The following SLC1A4 variants were observed in gnomAD, a reference collection of about 807,000 sequenced individuals.
SLC1A4 encodes solute carrier family 1 member 4, also known as neutral amino acid transporter A.
In SLC1A4, 19 loss-of-function variants were observed where a neutral mutation model predicts 37.7. That is an observed-to-expected ratio of 0.50 (90% CI 0.35 to 0.74). The LOEUF (loss-of-function observed/expected upper bound fraction) is 0.74, where lower values mean the gene tolerates loss of function less well. SLC1A4 is among the 30% of genes least tolerant of loss of function. SLC1A4 has a pLI of 0.01. For missense variants in SLC1A4, 570 were observed against 712.9 expected (o/e 0.80, Z 2.28); for synonymous variants, 299 against 309.8 (o/e 0.97, Z 0.37).
intron 1 of SLC1A4, among the ~76,000 whole-genome samples, chr2:64,992,674 G>C (rs1229355554): frequency 6.6e-6 from 1 of 152,134 alleles, no homozygotes; most frequent in Non-Finnish European, 1.5e-5. Flanking sequence ...ACAGTGCAGG[G>C]TTCTCTCTCT....
At chr2:65,020,819 C>A (rs1674388187) in intron 7 of SLC1A4, 93 bp from the exon 8 acceptor site, 2 of 999,170 alleles carry the variant, frequency 2.0e-6, no homozygotes, top group Admixed American at 1.8e-5. Context: ...GGGCCCCTCA[C>A]AATCATGACT....
chr2:65,000,126 G>T (rs1396873336), intron 1 of SLC1A4: 2 of 152,176 alleles, frequency 1.3e-5, no homozygotes, highest in Non-Finnish European at 2.9e-5. Context: ...TGTTAAGAAT[G>T]ATCCAGAGTC....
chr2:65,011,240 T>A (rs1015522892), intron 4 of SLC1A4: 1 of 152,804 alleles, frequency 6.5e-6, no homozygotes, highest in African/African-American at 2.4e-5. Context: ...ACCCCATGCA[T>A]ATATAAAGTT....
chr2:65,011,783 C>A (rs1673929957), intron 4 of SLC1A4, among the ~76,000 whole-genome samples: 1 of 152,044 alleles, frequency 6.6e-6, no homozygotes, highest in Non-Finnish European at 1.5e-5. Flanking sequence ...TAATGTTTTT[C>A]TTTGAGACGG....
intron 4 of SLC1A4, among the ~76,000 whole-genome samples, chr2:65,013,339 C>T (rs1335676977): frequency 1.3e-5 from 2 of 152,338 alleles, no homozygotes; most frequent in East Asian, 1.9e-4. Context: ...TCTCCTGCCT[C>T]AGCCTCCCGA....
intron 1 of SLC1A4, among the ~76,000 whole-genome samples, chr2:64,991,748 G>A (rs1352492922): frequency 6.6e-6 from 1 of 152,082 alleles, no homozygotes; most frequent in Admixed American, 6.5e-5. Flanking sequence ...TTACAGGCGC[G>A]TGCCACCACG....
Position 64,989,924 on chromosome 2 carries a change from T to A in SLC1A4, c.281T>A (p.Val94Glu). 6.4e-7 allele frequency: 1 copy of A among 1,563,878 alleles called. No homozygotes were observed. The highest frequency in any genetic ancestry group is 8.6e-7 in the Non-Finnish European group (1 of 1,156,532). Residue 94 changes from valine (V) to glutamate (E), a missense_variant, in exon 1 of 8, where the codon GTG becomes GAG. Physicochemically the swap from Val to Glu is moderately radical, Grantham distance 121. Transcript: ENST00000234256. ...RMLRMIILPL[V>E]VCSLVSGAAS... ...CTGCGCATGATCATCCTGCCGCTGG[T>A]GGTCTGCAGCCTGGTGTCGGGCGCC... is the stretch of plus-strand genomic sequence containing the variant.
At position 64,990,085 on chromosome 2, in the gene SLC1A4, C is replaced by T. The variant is rs749090761; in HGVS notation, c.442C>T (p.Leu148Phe). The T allele has an allele frequency of 1.3e-5, 21 of 1,609,486 alleles. No homozygotes were observed. In the East Asian group the frequency reaches 4.7e-4, roughly 36 times the overall value. The part of the protein sequence containing the change: ...IIKPGSGAQT[L>F]QSSDLGLEDS... ...CAAGCCAGGATCCGGTGCGCAGACCCTTCAGTCCAGCGACCTGGGGCTGGA... is the reference window on the plus strand; with the variant it reads ...CAAGCCAGGATCCGGTGCGCAGACCTTTCAGTCCAGCGACCTGGGGCTGGA... The change falls in exon 1 of 8, where the codon CTT (leucine) becomes TTT (phenylalanine). Residue 148 changes from leucine to phenylalanine, a missense_variant. By Grantham distance (22) the Leu-to-Phe change is conservative. Coordinates refer to ENST00000234256, the MANE Select transcript of SLC1A4 (RefSeq NM_003038.5).
At chr2:65,013,226 TTTTG>T (rs979543907) in intron 4 of SLC1A4, among the ~76,000 whole-genome samples, 1 of 152,160 alleles carries the variant, frequency 6.6e-6, no homozygotes, top group African/African-American at 2.4e-5. Context: ...TTTTGTTTTG[TTTTG>T]TTTGTTTTTG....
chr2:65,015,222 T>C (rs112173798), intron 4 of SLC1A4, among the ~76,000 whole-genome samples: 50 of 152,328 alleles, frequency 3.3e-4, no homozygotes, highest in Non-Finnish European at 6.8e-4. Context: ...TTTGGGATGA[T>C]GGAAAAGTTC....
rs924666608 is a variant in SLC1A4, at chr2:65,023,315, A to G, written c.*2169A>G. 1 of 109,016 alleles carries G rather than the reference A, an allele frequency of 9.2e-6. No homozygotes were observed. The highest frequency in any genetic ancestry group is 4.4e-5 in the African/African-American group (1 of 22,772). 6.8% of individuals were successfully genotyped at this position (109,016 alleles called of 1,614,324 possible). On this transcript the variant is annotated 3_prime_UTR_variant, in exon 8 of 8. Coordinates refer to ENST00000234256, the MANE Select transcript of SLC1A4 (RefSeq NM_003038.5). ...CACACACACATATGTATATCTATAC[A>G]CACATGTGTGTTGTGTATATGCATG...
At chr2:64,997,538 T>C (rs1424912928) in intron 1 of SLC1A4, among the ~76,000 whole-genome samples, 1 of 152,228 alleles carries the variant, frequency 6.6e-6, no homozygotes, top group Non-Finnish European at 1.5e-5. Flanking sequence ...TGGCTTTTTC[T>C]AGAGTTTCAT....
At chr2:65,016,212 T>C (rs1375378456) in intron 4 of SLC1A4, among the ~76,000 whole-genome samples, 1 of 152,234 alleles carries the variant, frequency 6.6e-6, no homozygotes, top group Non-Finnish European at 1.5e-5. Flanking sequence ...GTCTGGGTTC[T>C]GGTCCTGACT....
Position 65,010,722 on chromosome 2 carries a change from C to T in SLC1A4, c.759C>T (p.Ser253=). ...EGEDLIRFFN[S]LNEATMVLVS... ...AAGACCTCATCCGTTTCTTCAATTC[C>T]CTCAACGAGGCGACGATGGTGCTGG... Residue 253 remains serine (S), a synonymous_variant, in exon 4 of 8, where the codon TCC becomes TCT. Transcript: ENST00000234256. 6.2e-7 allele frequency: 1 copy of T among 1,614,042 alleles called. No homozygotes were observed. Among genetic ancestry groups the T allele is most frequent in the East Asian group, 2.2e-5 (1 of 44,876 alleles).
At chr2:65,001,342 C>CA in intron 1 of SLC1A4, 106 bp from the exon 2 acceptor site, 1 of 984,602 alleles carries the variant, frequency 1.0e-6, no homozygotes, top group African/African-American at 1.6e-5. Context: ...TTCAAGGCTG[C>CA]AGTGAGCTGC....
In SLC1A4 at chr2:65,023,103, A is replaced by G. The variant is rs1291924272; in HGVS notation, c.*1957A>G. The stretch of plus-strand genomic sequence containing the variant: ...AGCCATTCCAGTCTCCTGTGAAGCC[A>G]AAAGGGACCAGGAACCGTGCAAAGG... On this transcript the variant is annotated 3_prime_UTR_variant, in exon 8 of 8. Transcript: ENST00000234256. 2 of 152,242 alleles carry G rather than the reference A, an allele frequency of 1.3e-5. No homozygotes were observed. The highest frequency in any genetic ancestry group is 4.8e-5 in the African/African-American group (2 of 41,454). The allele number at this position is 152,242 out of a possible 1,614,324, so 9.4% of individuals were successfully genotyped here. A position where few individuals can be genotyped will look rare whatever the true frequency, so the allele number is the denominator to read the frequency against.
intron 1 of SLC1A4, chr2:64,999,335 A>G (rs1453191407): frequency 2.0e-5 from 3 of 152,210 alleles, no homozygotes; most frequent in African/African-American, 7.2e-5. Context: ...CTCAGGTTCT[A>G]TGGACAAGTT....
At position 65,016,772 on chromosome 2, in the gene SLC1A4, A is replaced by G. The variant is rs1674155719; in HGVS notation, c.1034+99A>G. On this transcript the variant is annotated intron_variant, in intron 5 of 7. Transcript: ENST00000234256. Reference sequence around the variant, plus strand: ...CACAACCAGTGTCTTGACATACTTTAATTCCTGGAAAACTCTAAATCGGTC... The same window carrying G: ...CACAACCAGTGTCTTGACATACTTTGATTCCTGGAAAACTCTAAATCGGTC... 13 of 777,520 alleles carry G rather than the reference A, an allele frequency of 1.7e-5. No homozygotes were observed. The South Asian group carries it at 2.0e-4, about 12-fold the overall frequency. The allele number at this position is 777,520 out of a possible 1,614,324, so 48.2% of individuals were successfully genotyped here.
At chr2:65,010,814 G>GA (rs1673890345) in intron 4 of SLC1A4, 51 bp downstream of exon 4, 1 of 1,567,114 alleles carries the variant, frequency 6.4e-7, no homozygotes, top group African/African-American at 1.4e-5. Flanking sequence ...CTGCCATCCA[G>GA]AAAAGAGTCC....
Sources: allele counts gnomAD v4.1 joint callset (sites outside exome capture counted in the v4.1 genomes callset), GRCh38; gene constraint gnomAD v4.1.1; transcripts MANE v1.5; gene names NCBI Gene and HGNC (gene_info 2026-07-23, HGNC 2026-07-21).